The following EIF3A variants were observed in gnomAD, a reference collection of about 807,000 sequenced individuals.
EIF3A encodes eukaryotic translation initiation factor 3 subunit A, also known as EIF3, p180 subunit.
EIF3A carries 21 observed loss-of-function variants against 186.6 expected under a neutral mutation model. The observed-to-expected ratio is 0.11, with a 90% CI of 0.08 to 0.16. EIF3A has a LOEUF of 0.16. Among genes scored for constraint, EIF3A ranks in the 10% least tolerant of loss-of-function variants. The pLI, the probability that EIF3A is intolerant of heterozygous loss-of-function variation, is 1.00. For missense variants in EIF3A, 1,306 were observed against 1,796.3 expected (o/e 0.73, Z 4.93); for synonymous variants, 563 against 584.3 (o/e 0.96, Z 0.52).
At chr10:119,044,030 A>G (rs1848250173) in intron 18 of EIF3A, 24 bp downstream of exon 18, 2 of 1,541,330 alleles carry the variant, frequency 1.3e-6, no homozygotes, top group African/African-American at 1.4e-5. Flanking sequence ...CTGGAGCGGC[A>G]TTATTTTCCT....
At chr10:119,079,127 CTCT>C (rs1844221915) in intron 1 of EIF3A, among the ~76,000 whole-genome samples, 1 of 152,184 alleles carries the variant, frequency 6.6e-6, no homozygotes, top group Non-Finnish European at 1.5e-5. Context: ...CCATTTCAAT[CTCT>C]TCTTTCCGAT....
At position 119,033,719 on chromosome 10, in the gene EIF3A, A is replaced by G. The variant is rs1302631285; in HGVS notation, c.*2320T>C. The G allele has an allele frequency of 1.8e-5, 3 of 166,946 alleles. No homozygotes were observed. The highest frequency in any genetic ancestry group is 4.8e-5 in the African/African-American group (2 of 41,464). 10.3% of individuals were successfully genotyped at this position (166,946 alleles called of 1,614,324 possible). ...AACCAAAATTATACATATTAAAATT[A>G]TATCACAAATATATATGCTTCCAGA... On this transcript the variant is annotated 3_prime_UTR_variant, in exon 22 of 22. Coordinates refer to ENST00000369144, the MANE Select transcript of EIF3A (RefSeq NM_003750.4).
Position 119,080,723 on chromosome 10 carries a change from GC to G in EIF3A, c.-48del. ...CCCGGCGTCAGCGAACTCTCTAGTG[GC>G]CCGGGCCGGGAGAGGAGACGAAGGG... On this transcript the variant is annotated 5_prime_UTR_variant, in exon 1 of 22. Transcript: ENST00000369144. 1.3e-6 allele frequency: 2 copies of G among 1,560,188 alleles called. No individual in the cohort carries two copies. Among genetic ancestry groups the G allele is most frequent in the Non-Finnish European group, 1.7e-6 (2 of 1,154,000 alleles).
rs996845744 is a variant in EIF3A, at chr10:119,041,994, C to G, written c.3526G>C (p.Gly1176Arg). The change falls in exon 19 of 22, where the codon GGT (glycine) becomes CGT (arginine). Residue 1176 changes from glycine to arginine, a missense_variant and splice_region_variant. By Grantham distance (125) the Gly-to-Arg change is moderately radical (BLOSUM62 -2). Transcript: ENST00000369144. ...PGPWRPLVKP[G>R]GWREKEKARE... ...CATATTCTAGGAAATAGAATTTTAC[C>G]TGGCTTGACTAATGGTCTCCAAGGA... is the stretch of plus-strand genomic sequence containing the variant. The G allele has an allele frequency of 8.7e-6, 14 of 1,613,080 alleles. No individual in the cohort carries two copies. Among genetic ancestry groups the G allele is most frequent in the Non-Finnish European group, 1.1e-5 (13 of 1,179,256 alleles).
chr10:119,057,143 T>C, intron 12 of EIF3A, 103 bp from the exon 13 acceptor site: 1 of 658,598 alleles, frequency 1.5e-6, no homozygotes, highest in Non-Finnish European at 2.6e-6. Context: ...CTTTTATTGT[T>C]ACAATGGGTG....
At chr10:119,068,254 A>T (rs1009074963) in intron 6 of EIF3A, among the ~76,000 whole-genome samples, 4 of 152,200 alleles carry the variant, frequency 2.6e-5, no homozygotes, top group African/African-American at 9.6e-5. Flanking sequence ...CACAGGGAAA[A>T]AATTGGTCTA....
In EIF3A at chr10:119,069,625, G is replaced by A. The variant is rs759767366; in HGVS notation, c.771C>T (p.His257=). ...QEAFKAVEDI[H]GLFSLSKKPP... Reference sequence around the variant, plus strand: ...GTTTTTTAGACAAGGAGAATAGCCCGTGAATATCTTCCACAGCTTTGAATG... The same window carrying A: ...GTTTTTTAGACAAGGAGAATAGCCCATGAATATCTTCCACAGCTTTGAATG... The change falls in exon 6 of 22, where the codon CAC becomes CAT. Residue 257 remains histidine, a synonymous_variant. Coordinates refer to ENST00000369144, the MANE Select transcript of EIF3A (RefSeq NM_003750.4). 3.8e-6 allele frequency: 6 copies of A among 1,588,308 alleles called. No homozygotes were observed. The highest frequency in any genetic ancestry group is 1.7e-5 in the Admixed American group (1 of 59,928).
chr10:119,070,340 C>A (rs1199126676), intron 5 of EIF3A, among the ~76,000 whole-genome samples: 3 of 152,194 alleles, frequency 2.0e-5, no homozygotes, highest in African/African-American at 7.2e-5. Context: ...TAAAGCACCA[C>A]TAAGAAATCT....
chr10:119,076,325 A>C (rs1844173397), intron 1 of EIF3A, among the ~76,000 whole-genome samples: 1 of 137,666 alleles, frequency 7.3e-6, no homozygotes, highest in African/African-American at 2.9e-5. Flanking sequence ...AAGTCTCCAA[A>C]AAAAAAAAAA....
In EIF3A at chr10:119,037,069, C is replaced by CT. The variant is rs781437940; in HGVS notation, c.3919+49_3919+50insA. On this transcript the variant is annotated intron_variant, in intron 21 of 21. Coordinates refer to ENST00000369144, the MANE Select transcript of EIF3A (RefSeq NM_003750.4). ...AATTAAATAACCCAAATCCCCCCCCCCCCAGAAACGACAGTTCTCCAATAC... is the reference window on the plus strand; with the variant it reads ...AATTAAATAACCCAAATCCCCCCCCCTCCCAGAAACGACAGTTCTCCAATAC... The CT allele has an allele frequency of 3.1e-4, 289 of 941,408 alleles. 11 individuals are homozygous for CT. The African/African-American group carries it at 4.6e-3, about 15-fold the overall frequency. The allele number at this position is 941,408 out of a possible 1,614,324, so 58.3% of individuals were successfully genotyped here.
rs200404714 is a variant in EIF3A at position 119,049,965 on chromosome 10, C to T, written c.2494G>A (p.Ala832Thr). 9.3e-6 allele frequency: 15 copies of T among 1,613,938 alleles called. No homozygotes were observed. In the East Asian group the frequency reaches 2.0e-4, roughly 22 times the overall value. ...MLKEREERER[A>T]ERAKREEELR... ...TCTTCCTCGCGTTTTGCTCGTTCGG[C>T]GCGCTCTCTCTCTTCCCGCTCTAGA... Residue 832 changes from alanine (A) to threonine (T), a missense_variant, in exon 17 of 22, where the codon GCC becomes ACC. Physicochemically the swap from Ala to Thr is moderately conservative, Grantham distance 58 (BLOSUM62 0). Transcript: ENST00000369144.
In EIF3A at chr10:119,042,695, T is replaced by C. The variant is rs1449190712; in HGVS notation, c.2825A>G (p.Asp942Gly). 1.2e-6 allele frequency: 2 copies of C among 1,613,738 alleles called. No homozygotes were observed. The highest frequency in any genetic ancestry group is 1.1e-5 in the South Asian group (1 of 91,052). The change falls in exon 19 of 22, where the codon GAT (aspartate) becomes GGT (glycine). Residue 942 changes from aspartate (D) to glycine (G), a missense_variant. Asp to Gly is a moderately conservative substitution (Grantham distance 94). Transcript: ENST00000369144. This position sits in a 1 kb window ranked among gnomAD's most constrained non-coding sequence, Gnocchi z 7.8. ...RDEERPRRLG[D>G]DEDREPSLRP... ...AAGAGAGGGCTCTCTATCTTCATCA[T>C]CCCCCAGACGCCGGGGCCGCTCTTC...
rs1848126763 is a variant in EIF3A, at chr10:119,036,199, A to G, written c.3989T>C (p.Val1330Ala). The change falls in exon 22 of 22, where the codon GTT becomes GCT. Residue 1330 changes from valine to alanine, a missense_variant. Val to Ala is a moderately conservative substitution (Grantham distance 64). This residue lies in a region of EIF3A where 331 missense variants were observed against 365.8 expected (regional missense o/e 0.90). Transcript: ENST00000369144. ...RVEERDPPRR[V>A]PPPALSRDRE... ...GTCTCTTGAAAGAGCTGGGGGAGGA[A>G]CTCGACGAGGAGGGTCCCGCTCTTC... 6.2e-7 allele frequency: 1 copy of G among 1,612,728 alleles called. No individual in the cohort carries two copies. Among genetic ancestry groups the G allele is most frequent in the East Asian group, 2.2e-5 (1 of 44,832 alleles).
intron 16 of EIF3A, among the ~76,000 whole-genome samples, chr10:119,050,284 A>G (rs919080168): frequency 2.0e-5 from 3 of 152,192 alleles, no homozygotes; most frequent in African/African-American, 7.2e-5. Context: ...GTTAATACAC[A>G]GAATACGGTG....
At chr10:119,076,045 G>A (rs1844166980) in intron 1 of EIF3A, among the ~76,000 whole-genome samples, 2 of 148,274 alleles carry the variant, frequency 1.3e-5, no homozygotes, top group South Asian at 2.2e-4. Context: ...TCTTTTAAGA[G>A]CTATCTGATA....
chr10:119,043,316 T>C (rs569347930), intron 18 of EIF3A, among the ~76,000 whole-genome samples: 1 of 152,060 alleles, frequency 6.6e-6, no homozygotes. Context: ...TTGGGAGGAT[T>C]ACAAGTGCCT....
Position 119,080,071 on chromosome 10 carries a change from G to C in EIF3A, c.49+557C>G, listed in dbSNP as rs74157628. Among the ~76,000 whole-genome samples the C allele has an allele frequency of 7.8e-3, 1,186 of 152,362 alleles. 20 individuals are homozygous for C. Among genetic ancestry groups the C allele is most frequent in the African/African-American group, 0.028 (1,144 of 41,588 alleles). On this transcript the variant is annotated intron_variant, in intron 1 of 21. Coordinates refer to ENST00000369144, the MANE Select transcript of EIF3A (RefSeq NM_003750.4). The stretch of plus-strand genomic sequence containing the variant: ...GTGGATATAAAGCAGCTGGGTAAAG[G>C]GTAAGTGGACGCCGACCCAGCAAAG...
Position 119,044,087 on chromosome 10 carries a change from G to A in EIF3A, c.2714C>T (p.Ala905Val). The A allele has an allele frequency of 6.2e-7, 1 of 1,613,940 alleles. No homozygotes were observed. The highest frequency in any genetic ancestry group is 8.5e-7 in the Non-Finnish European group (1 of 1,179,874). The change falls in exon 18 of 22, where the codon GCA becomes GTA. Residue 905 changes from alanine (A) to valine (V), a missense_variant. Coordinates refer to ENST00000369144, the MANE Select transcript of EIF3A (RefSeq NM_003750.4). ...SEGTWRKGPE[A>V]DSEWRRGPPE... ...CGGGCCTCTTCTCCACTCAGAATCTGCTTCAGGTCCTTTTCTCCAGGTGCC... is the reference window on the plus strand; with the variant it reads ...CGGGCCTCTTCTCCACTCAGAATCTACTTCAGGTCCTTTTCTCCAGGTGCC...
At chr10:119,059,796 T>C in intron 9 of EIF3A, 78 bp from the exon 10 acceptor site, 1 of 938,946 alleles carries the variant, frequency 1.1e-6, no homozygotes, top group Non-Finnish European at 1.7e-6. Flanking sequence ...ATGACAGTCA[T>C]GGGAAGTAGA....
Sources: allele counts gnomAD v4.1 joint callset (sites outside exome capture counted in the v4.1 genomes callset), GRCh38; gene constraint gnomAD v4.1.1; regional missense constraint gnomAD v4.1.1; non-coding constraint Gnocchi (gnomAD v3.1); transcripts MANE v1.5; gene names NCBI Gene and HGNC (gene_info 2026-07-23, HGNC 2026-07-21).